PDE4D: variants seen among roughly 807,000 people sequenced by gnomAD.
The protein encoded by PDE4D is 3',5'-cyclic-AMP phosphodiesterase 4D.
A neutral mutation model predicts 87.4 loss-of-function variants in PDE4D; 24 were observed. The ratio of observed to expected loss-of-function variants is 0.27; its 90% CI spans 0.20 to 0.39. The LOEUF (loss-of-function observed/expected upper bound fraction) is 0.39, where lower values mean the gene tolerates loss of function less well. Among genes scored for constraint, PDE4D ranks in the 10% least tolerant of loss-of-function variants. PDE4D has a pLI of 1.00. For missense variants in PDE4D, 714 were observed against 1,041.0 expected (o/e 0.69, Z 4.32); for synonymous variants, 384 against 383.2 (o/e 1.00, Z -0.02).
intron 6 of PDE4D, among the ~76,000 whole-genome samples, chr5:59,029,289 C>T (rs950707342): frequency 1.1e-4 from 16 of 150,510 alleles, no homozygotes; most frequent in Non-Finnish European, 1.5e-4. Flanking sequence ...TGGTGGCAGG[C>T]GCCTGTAGTC....
intron 2 of PDE4D, among the ~76,000 whole-genome samples, chr5:60,146,598 A>G (rs1781020530): frequency 6.6e-6 from 1 of 152,212 alleles, no homozygotes; most frequent in Non-Finnish European, 1.5e-5. Flanking sequence ...AAGGTGTATT[A>G]AGAAACAAAA....
intron 2 of PDE4D, among the ~76,000 whole-genome samples, chr5:60,071,067 C>CT (rs1396378373): frequency 2.6e-5 from 4 of 151,662 alleles, no homozygotes; most frequent in African/African-American, 7.3e-5. Flanking sequence ...AGGCATCGCT[C>CT]TTTTTTTGCT....
At chr5:59,630,178 A>T (rs1244980317) in intron 1 of PDE4D, among the ~76,000 whole-genome samples, 1 of 152,210 alleles carries the variant, frequency 6.6e-6, no homozygotes, top group African/African-American at 2.4e-5. Context: ...ATATGCACAC[A>T]TACGCACATA....
At chr5:59,355,069 A>G (rs1781157679) in intron 1 of PDE4D, among the ~76,000 whole-genome samples, 2 of 152,198 alleles carry the variant, frequency 1.3e-5, no homozygotes, top group South Asian at 4.1e-4. Context: ...ACTTGTTACA[A>G]ATGAAACTTG....
At chr5:60,517,702 G>A (rs984415413) in intron 1 of PDE4D, among the ~76,000 whole-genome samples, 3 of 152,180 alleles carry the variant, frequency 2.0e-5, no homozygotes, top group Non-Finnish European at 4.4e-5. Context: ...CTGCAGAGAG[G>A]AGCTACCCAC....
intron 1 of PDE4D, among the ~76,000 whole-genome samples, chr5:60,309,989 T>C (rs1754861403): frequency 6.6e-6 from 1 of 152,212 alleles, no homozygotes. Flanking sequence ...AGTGCACTTA[T>C]TCTCCTTGAC....
intron 2 of PDE4D, among the ~76,000 whole-genome samples, chr5:60,140,165 A>AT (rs762820098): frequency 5.8e-4 from 89 of 152,166 alleles, no homozygotes; most frequent in Non-Finnish European, 1.1e-3. Flanking sequence ...GTTGCAGACC[A>AT]TTTTTTTGTA....
chr5:59,867,947 G>T (rs1309830308), intron 1 of PDE4D, among the ~76,000 whole-genome samples: 1 of 152,160 alleles, frequency 6.6e-6, no homozygotes, highest in Non-Finnish European at 1.5e-5. Context: ...CTAAAGAGGG[G>T]TTTACTGGTC....
At chr5:60,113,492 G>C (rs1777872525) in intron 2 of PDE4D, among the ~76,000 whole-genome samples, 1 of 151,932 alleles carries the variant, frequency 6.6e-6, no homozygotes, top group African/African-American at 2.4e-5. Context: ...CTCACCTAGG[G>C]GTCACGTGGA....
At chr5:59,935,771 A>G (rs1372801101) in intron 3 of PDE4D, among the ~76,000 whole-genome samples, 1 of 152,092 alleles carries the variant, frequency 6.6e-6, no homozygotes, top group Non-Finnish European at 1.5e-5. Context: ...CCATGTCCCT[A>G]CAAAGGACAT....
intron 1 of PDE4D, among the ~76,000 whole-genome samples, chr5:59,454,388 T>C (rs982265658): frequency 3.9e-5 from 6 of 152,134 alleles, no homozygotes; most frequent in Non-Finnish European, 5.9e-5. Context: ...TCTTACAAAA[T>C]CTGATGGTTT....
intron 1 of PDE4D, among the ~76,000 whole-genome samples, chr5:60,477,046 C>A (rs559580912): frequency 6.6e-6 from 1 of 152,006 alleles, no homozygotes; most frequent in East Asian, 1.9e-4. Context: ...AAGTGGATAA[C>A]CAGTATTCTT....
intron 1 of PDE4D, among the ~76,000 whole-genome samples, chr5:60,335,600 G>T (rs890563191): frequency 9.9e-5 from 15 of 152,194 alleles, no homozygotes; most frequent in African/African-American, 3.6e-4. Context: ...GCTCCAGGGT[G>T]TTGGCTAGAA....
intron 1 of PDE4D, among the ~76,000 whole-genome samples, chr5:59,270,334 G>A (rs1235681230): frequency 6.6e-6 from 1 of 152,098 alleles, no homozygotes. Flanking sequence ...AAGTTTCTAA[G>A]ATAGAAGAAA....
At chr5:59,734,563 A>G (rs1216171495) in intron 1 of PDE4D, among the ~76,000 whole-genome samples, 1 of 152,192 alleles carries the variant, frequency 6.6e-6, no homozygotes, top group Non-Finnish European at 1.5e-5. Flanking sequence ...ATATCTCATA[A>G]ACAAAGTAAA....
At chr5:59,567,759 A>G (rs929574039) in intron 1 of PDE4D, among the ~76,000 whole-genome samples, 2 of 152,196 alleles carry the variant, frequency 1.3e-5, no homozygotes, top group African/African-American at 2.4e-5. Flanking sequence ...GATGGATGGT[A>G]GTTTTTCACT....
intron 1 of PDE4D, among the ~76,000 whole-genome samples, chr5:60,476,851 C>T (rs115741317): frequency 5.9e-5 from 9 of 152,152 alleles, no homozygotes; most frequent in Admixed American, 1.3e-4. Flanking sequence ...ACCCTTATCA[C>T]GGCCAAGCAT....
At chr5:60,291,914 A>G (rs1277688362) in intron 1 of PDE4D, among the ~76,000 whole-genome samples, 2 of 152,210 alleles carry the variant, frequency 1.3e-5, no homozygotes, top group African/African-American at 4.8e-5. Context: ...AATGACCAAT[A>G]CAATAAAAGA....
chr5:59,734,639 T>G (rs1757834872), intron 1 of PDE4D, among the ~76,000 whole-genome samples: 1 of 152,132 alleles, frequency 6.6e-6, no homozygotes, highest in African/African-American at 2.4e-5. Flanking sequence ...CAAAAGATAT[T>G]AAGATAACTC....
Sources: gnomAD v4.1 joint callset for allele counts (sites outside exome capture counted in the v4.1 genomes callset) on GRCh38, gnomAD v4.1.1 for gene constraint, MANE v1.5 for transcripts, NCBI Gene and HGNC (gene_info 2026-07-23, HGNC 2026-07-21) for gene names.